The following FCHO2 variants were observed in gnomAD, a reference collection of about 807,000 sequenced individuals.
The protein encoded by FCHO2 is FCH and mu domain containing endocytic adaptor 2, also known as F-BAR domain only protein 2.
FCHO2 carries 43 observed loss-of-function variants against 114.1 expected under a neutral mutation model. The observed-to-expected ratio is 0.38, with a 90% CI of 0.30 to 0.49. FCHO2 has a LOEUF of 0.49. Among genes scored for constraint, FCHO2 ranks in the 20% least tolerant of loss-of-function variants. The pLI, the probability that FCHO2 is intolerant of heterozygous loss-of-function variation, is 0.97. For missense variants in FCHO2, 807 were observed against 950.4 expected, an observed-to-expected ratio of 0.85 and a Z score of 1.98; for synonymous variants, 293 against 315.2, an observed-to-expected ratio of 0.93 and a Z score of 0.75.
intron 5 of FCHO2, among the ~76,000 whole-genome samples, chr5:72,999,650 G>A (rs991195609): frequency 6.6e-6 from 1 of 152,018 alleles, no homozygotes. Context: ...TCCAAAGTCT[G>A]AGATCACAGG....
At position 72,989,413 on chromosome 5, in the gene FCHO2, A is replaced by G. The variant is rs1753706544; in HGVS notation, c.126-14A>G. On this transcript the variant is annotated splice_polypyrimidine_tract_variant and intron_variant, in intron 2 of 25. Coordinates refer to ENST00000430046, the MANE Select transcript of FCHO2 (RefSeq NM_138782.3). ...AAATAAGAAGTATTATGATGTGGAT[A>G]TTTGATTTAACAGAGCTACCATAGA... 1 of 1,591,126 alleles carries G rather than the reference A, an allele frequency of 6.3e-7. No individual in the cohort carries two copies. Among genetic ancestry groups the G allele is most frequent in the Non-Finnish European group, 8.6e-7 (1 of 1,166,162 alleles).
chr5:72,988,828 CAGAG>C (rs1236567381), intron 2 of FCHO2, among the ~76,000 whole-genome samples: 6 of 152,208 alleles, frequency 3.9e-5, no homozygotes, highest in Non-Finnish European at 5.9e-5. Flanking sequence ...CTTACAGAGA[CAGAG>C]AGAATACAAG....
At chr5:72,974,865 C>T (rs549341143) in intron 2 of FCHO2, among the ~76,000 whole-genome samples, 2 of 152,216 alleles carry the variant, frequency 1.3e-5, no homozygotes, top group Admixed American at 1.3e-4. Context: ...CCATGTTTAG[C>T]GCTTCCTTCG....
chr5:73,002,502 G>A (rs1051837477), intron 5 of FCHO2, among the ~76,000 whole-genome samples: 1 of 152,072 alleles, frequency 6.6e-6, no homozygotes, highest in African/African-American at 2.4e-5. Flanking sequence ...CCATAACACA[G>A]CATATATATT....
rs1214792813 is a variant in FCHO2, at chr5:73,000,239, G to A, written c.496-6206G>A. On this transcript the variant is annotated intron_variant, in intron 5 of 25. Transcript: ENST00000430046. ...TGTAATCCCAGCACTTAGAGAGGCCGAGGCAGGTGGATTACCTGATGTCAG... is the reference window on the plus strand; with the variant it reads ...TGTAATCCCAGCACTTAGAGAGGCCAAGGCAGGTGGATTACCTGATGTCAG... Among the ~76,000 whole-genome samples the A allele has an allele frequency of 3.9e-5, 6 of 151,958 alleles. No individual in the cohort carries two copies. The East Asian group carries it at 9.7e-4, about 25-fold the overall frequency.
chr5:72,995,338 C>T (rs1281210248), intron 5 of FCHO2, among the ~76,000 whole-genome samples: 2 of 151,856 alleles, frequency 1.3e-5, no homozygotes, highest in Non-Finnish European at 2.9e-5. Context: ...TCACTGCAAC[C>T]TCCGCCTCCC....
At chr5:73,004,820 G>T (rs1754630507) in intron 5 of FCHO2, among the ~76,000 whole-genome samples, 1 of 152,088 alleles carries the variant, frequency 6.6e-6, no homozygotes, top group African/African-American at 2.4e-5. Flanking sequence ...ATTACAGTAT[G>T]TTGTTATAAT....
intron 8 of FCHO2, among the ~76,000 whole-genome samples, chr5:73,021,910 C>T (rs1219012859): frequency 6.6e-6 from 1 of 152,124 alleles, no homozygotes; most frequent in Admixed American, 6.6e-5. Context: ...ATGTACCATG[C>T]CAACCACTTT....
intron 1 of FCHO2, among the ~76,000 whole-genome samples, chr5:72,965,176 G>A (rs953410252): frequency 2.0e-5 from 3 of 152,090 alleles, no homozygotes; most frequent in South Asian, 2.1e-4. Flanking sequence ...GTGGTTGAAC[G>A]TCCCGTATAC....
intron 2 of FCHO2, 127 bp from the exon 3 acceptor site, chr5:72,989,300 G>A: frequency 1.5e-6 from 1 of 666,086 alleles, no homozygotes; most frequent in Non-Finnish European, 2.6e-6. Flanking sequence ...CTACATATAT[G>A]TACTTATTTT....
In FCHO2 at chr5:73,052,405, A is replaced by G. The variant is rs1426953324; in HGVS notation, c.1071A>G (p.Ile357Met). 1 of 1,606,298 alleles carries G rather than the reference A, an allele frequency of 6.2e-7. No homozygotes were observed. The highest frequency in any genetic ancestry group is 1.3e-5 in the African/African-American group (1 of 74,872). ...ATGAAGAACCAAAGAAGTATCGGAT[A>G]GAAATTAAGCCTATGCATCCAAATA... ...SEDEEPKKYR[I>M]EIKPMHPNNS... is the part of the protein sequence containing the mutation. Residue 357 changes from isoleucine to methionine, a missense_variant, in exon 13 of 26, where the codon ATA (isoleucine) becomes ATG (methionine). Ile to Met is a conservative substitution (Grantham distance 10, BLOSUM62 1). Transcript: ENST00000430046.
intron 2 of FCHO2, among the ~76,000 whole-genome samples, chr5:72,982,496 A>G (rs1753264646): frequency 6.6e-6 from 1 of 152,198 alleles, no homozygotes; most frequent in Admixed American, 6.5e-5. Flanking sequence ...TTGTCTTTCA[A>G]AGAACAAAAG....
intron 2 of FCHO2, among the ~76,000 whole-genome samples, chr5:72,974,892 A>T (rs1222506035): frequency 3.9e-5 from 6 of 152,140 alleles, no homozygotes; most frequent in Non-Finnish European, 7.3e-5. Context: ...CTTGTAGGGC[A>T]GGCCTGCTGG....
intron 2 of FCHO2, among the ~76,000 whole-genome samples, chr5:72,988,353 G>A (rs964398585): frequency 2.0e-5 from 3 of 152,106 alleles, no homozygotes; most frequent in African/African-American, 4.8e-5. Context: ...CAGGAGAATC[G>A]CTTGAATCCG....
intron 20 of FCHO2, among the ~76,000 whole-genome samples, chr5:73,075,425 C>T (rs367707701): frequency 6.6e-6 from 1 of 152,114 alleles, no homozygotes; most frequent in Non-Finnish European, 1.5e-5. Context: ...ATTCAAGAAA[C>T]AGCAAGCAAA....
intron 1 of FCHO2, among the ~76,000 whole-genome samples, chr5:72,959,553 A>G (rs1269040053): frequency 6.6e-6 from 1 of 152,240 alleles, no homozygotes; most frequent in Non-Finnish European, 1.5e-5. Context: ...CATTTATAAA[A>G]TAATCCCTTA....
intron 6 of FCHO2, among the ~76,000 whole-genome samples, chr5:73,014,958 C>T (rs2112739275): frequency 6.6e-6 from 1 of 151,438 alleles, no homozygotes; most frequent in East Asian, 2.0e-4. Context: ...CACCTGTAGT[C>T]CAAGCTACTC....
intron 15 of FCHO2, among the ~76,000 whole-genome samples, chr5:73,055,588 A>G (rs1757553548): frequency 6.6e-6 from 1 of 152,202 alleles, no homozygotes; most frequent in African/African-American, 2.4e-5. Flanking sequence ...TTATAAAGAG[A>G]CTTGCTCCAG....
At chr5:73,052,270 T>C (rs897455951) in intron 12 of FCHO2, 62 bp from the exon 13 acceptor site, 2 of 1,433,478 alleles carry the variant, frequency 1.4e-6, no homozygotes, top group African/African-American at 1.4e-5. Context: ...TTAAAATAAA[T>C]GTGTGAAAAA....
Sources: allele counts gnomAD v4.1 joint callset (sites outside exome capture counted in the v4.1 genomes callset), GRCh38; gene constraint gnomAD v4.1.1; transcripts MANE v1.5; gene names NCBI Gene and HGNC (gene_info 2026-07-23, HGNC 2026-07-21).